The following NRXN3 variants were observed in gnomAD, a reference collection of about 807,000 sequenced individuals.
NRXN3 encodes the protein neurexin III.
NRXN3 carries 32 observed loss-of-function variants against 137.6 expected under a neutral mutation model. The observed-to-expected ratio is 0.23, with a 90% CI of 0.18 to 0.31. The LOEUF (loss-of-function observed/expected upper bound fraction) is 0.31. NRXN3 is among the 10% of genes least tolerant of loss of function. The pLI is 1.00. For missense variants in NRXN3, 1,574 were observed against 2,062.5 expected, an observed-to-expected ratio of 0.76 and a Z score of 4.59; for synonymous variants, 798 against 784.5, an observed-to-expected ratio of 1.02 and a Z score of -0.29.
intron 10 of NRXN3, among the ~76,000 whole-genome samples, chr14:78,890,812 T>A (rs2099156753): frequency 6.6e-6 from 1 of 151,888 alleles, no homozygotes; most frequent in Admixed American, 6.6e-5. Context: ...AATTTCAGTG[T>A]CATGGGTTAA....
chr14:79,006,169 A>ACTGTAAGCC (rs2099552300), intron 15 of NRXN3, among the ~76,000 whole-genome samples: 2 of 152,210 alleles, frequency 1.3e-5, no homozygotes, highest in African/African-American at 4.8e-5. Flanking sequence ...TTGAGAGAAG[A>ACTGTAAGCC]TTGTAAGCCT....
At chr14:78,930,438 C>T (rs1379123150) in intron 10 of NRXN3, among the ~76,000 whole-genome samples, 3 of 152,158 alleles carry the variant, frequency 2.0e-5, no homozygotes, top group African/African-American at 7.2e-5. Flanking sequence ...AAGGAGGATT[C>T]TAACAAGCAC....
At chr14:78,935,502 T>C (rs154327) in intron 10 of NRXN3, among the ~76,000 whole-genome samples, 2,246 of 152,268 alleles carry the variant, frequency 0.015, 60 homozygotes, top group African/African-American at 0.052. Flanking sequence ...TCTCACATAC[T>C]GTAAAATCAT....
intron 17 of NRXN3, among the ~76,000 whole-genome samples, chr14:79,686,844 C>T (rs930569584): frequency 2.0e-5 from 3 of 152,166 alleles, no homozygotes; most frequent in African/African-American, 7.2e-5. Flanking sequence ...ATATATTTGC[C>T]ATTATCAGAA....
At chr14:78,847,578 G>A (rs2099030840) in intron 10 of NRXN3, among the ~76,000 whole-genome samples, 1 of 152,042 alleles carries the variant, frequency 6.6e-6, no homozygotes, top group Non-Finnish European at 1.5e-5. Flanking sequence ...CTAGGGAAAG[G>A]CAAAGGCATT....
intron 14 of NRXN3, among the ~76,000 whole-genome samples, chr14:78,981,985 A>G (rs1442898868): frequency 1.3e-5 from 2 of 152,204 alleles, no homozygotes; most frequent in Non-Finnish European, 2.9e-5. Flanking sequence ...ACTCTCATTC[A>G]TTCAATAGTT....
At chr14:79,617,703 G>A (rs912036887) in intron 16 of NRXN3, among the ~76,000 whole-genome samples, 5 of 152,062 alleles carry the variant, frequency 3.3e-5, no homozygotes, top group South Asian at 2.1e-4. Flanking sequence ...TTGAGTTTGC[G>A]AAAGGGATGT....
chr14:79,671,624 T>A (rs2153999801), intron 17 of NRXN3, among the ~76,000 whole-genome samples: 1 of 152,094 alleles, frequency 6.6e-6, no homozygotes, highest in Middle Eastern at 3.4e-3. Flanking sequence ...AGTGACAGAG[T>A]GGCAAGAAGG....
intron 20 of NRXN3, among the ~76,000 whole-genome samples, chr14:79,842,423 G>A (rs1190448682): frequency 6.6e-6 from 1 of 152,128 alleles, no homozygotes; most frequent in African/African-American, 2.4e-5. Flanking sequence ...TGGAAGGGAA[G>A]CCAGAGAGTA....
chr14:78,378,849 A>G (rs1473024235), intron 4 of NRXN3, among the ~76,000 whole-genome samples: 1 of 152,176 alleles, frequency 6.6e-6, no homozygotes, highest in Non-Finnish European at 1.5e-5. Flanking sequence ...AAATGATTCC[A>G]TGAAAAGAAC....
chr14:79,353,181 A>G (rs2093288785), intron 15 of NRXN3, among the ~76,000 whole-genome samples: 1 of 152,026 alleles, frequency 6.6e-6, no homozygotes, highest in Admixed American at 6.6e-5. Flanking sequence ...CTGAAAATTC[A>G]TTCAATATAA....
intron 3 of NRXN3, among the ~76,000 whole-genome samples, chr14:78,293,118 G>T (rs550881005): frequency 1.4e-4 from 21 of 149,632 alleles, no homozygotes; most frequent in South Asian, 2.1e-4. Context: ...CTTTTTTTTT[G>T]AATGTAAAAT....
chr14:78,179,309 G>T (rs753197910), intron 1 of NRXN3, among the ~76,000 whole-genome samples: 1 of 152,208 alleles, frequency 6.6e-6, no homozygotes, highest in Non-Finnish European at 1.5e-5. Flanking sequence ...CTTTTTCTTG[G>T]TGGAGAGGCA....
chr14:78,661,542 G>C lies in NRXN3; in HGVS notation c.1221+10216G>C, dbSNP rs114020758. On this transcript the variant is annotated intron_variant, in intron 6 of 20. Transcript: ENST00000335750. ...GAAGAGACATAAGAGAACATGGCTT[G>C]TTAACTTTGTGGATGGCAGGGACAG... Among the ~76,000 whole-genome samples the C allele has an allele frequency of 8.5e-3, 1,301 of 152,330 alleles. 25 individuals carry two copies. Among genetic ancestry groups the C allele is most frequent in the African/African-American group, 0.03 (1,249 of 41,576 alleles).
At chr14:78,539,587 G>A (rs1350435767) in intron 4 of NRXN3, among the ~76,000 whole-genome samples, 2 of 151,974 alleles carry the variant, frequency 1.3e-5, no homozygotes, top group African/African-American at 4.8e-5. Flanking sequence ...TTTTTTGAAG[G>A]GTTTTTTGTG....
intron 10 of NRXN3, among the ~76,000 whole-genome samples, chr14:78,867,525 C>T (rs1453595698): frequency 1.3e-5 from 2 of 152,164 alleles, no homozygotes; most frequent in Non-Finnish European, 2.9e-5. Context: ...GAGGAATCAG[C>T]AGAAGGAGGC....
chr14:78,551,526 C>T (rs546534380), intron 4 of NRXN3, among the ~76,000 whole-genome samples: 1 of 151,604 alleles, frequency 6.6e-6, no homozygotes, highest in South Asian at 2.1e-4. Context: ...TCCCTTTCTC[C>T]CCCCTTCTCT....
intron 15 of NRXN3, among the ~76,000 whole-genome samples, chr14:79,126,541 A>C (rs2056518106): frequency 6.6e-6 from 1 of 152,186 alleles, no homozygotes; most frequent in Non-Finnish European, 1.5e-5. Flanking sequence ...TCCATGGTCT[A>C]TGTGTGCCAC....
intron 1 of NRXN3, among the ~76,000 whole-genome samples, chr14:78,185,586 G>T (rs567061904): frequency 6.6e-6 from 1 of 152,324 alleles, no homozygotes; most frequent in South Asian, 2.1e-4. Flanking sequence ...TGAGGAATTT[G>T]TAGGGGATGG....
Sources: allele counts gnomAD v4.1 joint callset (sites outside exome capture counted in the v4.1 genomes callset), GRCh38; gene constraint gnomAD v4.1.1; transcripts MANE v1.5; gene names NCBI Gene and HGNC (gene_info 2026-07-23, HGNC 2026-07-21).